The following RPH3A variants were observed in gnomAD, a reference collection of about 807,000 sequenced individuals.
The protein encoded by RPH3A is rabphilin-3A.
Under a neutral mutation model 102.2 loss-of-function variants are expected in RPH3A, and 48 were observed. That is an observed-to-expected ratio of 0.47 (90% CI 0.37 to 0.60). The LOEUF (loss-of-function observed/expected upper bound fraction) is 0.60, where lower values mean the gene tolerates loss of function less well. RPH3A is among the 20% of genes least tolerant of loss of function. RPH3A has a pLI of 0.00. For missense variants in RPH3A, 781 were observed against 910.1 expected (o/e 0.86, Z 1.83); for synonymous variants, 310 against 324.3 (o/e 0.96, Z 0.47).
At chr12:112,728,012 A>G (rs2040607439) in intron 1 of RPH3A, among the ~76,000 whole-genome samples, 1 of 152,230 alleles carries the variant, frequency 6.6e-6, no homozygotes, top group African/African-American at 2.4e-5. Context: ...GAAGAAGAGG[A>G]AAACCAAATT....
chr12:112,867,963 A>G (rs919938598), intron 7 of RPH3A, among the ~76,000 whole-genome samples: 2 of 152,166 alleles, frequency 1.3e-5, no homozygotes, highest in Non-Finnish European at 1.5e-5. Flanking sequence ...GGGCAATGGA[A>G]GATGTTTCAC....
At chr12:112,593,951 C>T (rs1378750825) in intron 1 of RPH3A, among the ~76,000 whole-genome samples, 1 of 152,148 alleles carries the variant, frequency 6.6e-6, no homozygotes, top group East Asian at 1.9e-4. Flanking sequence ...CACTTACTTC[C>T]CTTCAGATTT....
At chr12:112,721,515 A>G (rs1231047025) in intron 1 of RPH3A, among the ~76,000 whole-genome samples, 1 of 152,240 alleles carries the variant, frequency 6.6e-6, no homozygotes, top group Non-Finnish European at 1.5e-5. Context: ...AGAAAACATT[A>G]ATGTACTTGT....
intron 1 of RPH3A, among the ~76,000 whole-genome samples, chr12:112,577,468 G>T (rs1168776555): frequency 2.0e-5 from 3 of 152,304 alleles, no homozygotes; most frequent in African/African-American, 7.2e-5. Context: ...ATGATCAGAG[G>T]TCACTTTGGT....
At chr12:112,825,736 C>T (rs567133528) in intron 2 of RPH3A, among the ~76,000 whole-genome samples, 18 of 152,174 alleles carry the variant, frequency 1.2e-4, no homozygotes, top group Non-Finnish European at 2.2e-4. Flanking sequence ...GAAAAAGTTC[C>T]GCACGGCTTA....
chr12:112,817,998 T>C (rs2041707210), intron 2 of RPH3A, among the ~76,000 whole-genome samples: 1 of 152,192 alleles, frequency 6.6e-6, no homozygotes, highest in Admixed American at 6.5e-5. Context: ...AAATTGGACT[T>C]GAATTTGACT....
chr12:112,680,904 CTCT>C (rs1400437456), intron 1 of RPH3A, among the ~76,000 whole-genome samples: 1 of 151,912 alleles, frequency 6.6e-6, no homozygotes, highest in Non-Finnish European at 1.5e-5. Flanking sequence ...TCTTCCCTTC[CTCT>C]TCTTCTCCTC....
intron 1 of RPH3A, among the ~76,000 whole-genome samples, chr12:112,764,725 A>G (rs1052352860): frequency 6.6e-6 from 1 of 151,992 alleles, no homozygotes. Flanking sequence ...ATATCTCGAC[A>G]GTTTCAGCTT....
chr12:112,849,115 G>T (rs903014172), intron 5 of RPH3A, among the ~76,000 whole-genome samples: 6 of 152,198 alleles, frequency 3.9e-5, no homozygotes, highest in Admixed American at 2.0e-4. Flanking sequence ...TCAGCTGGGG[G>T]TTAACGAGGT....
At chr12:112,680,009 C>A (rs2040215341) in intron 1 of RPH3A, among the ~76,000 whole-genome samples, 1 of 152,166 alleles carries the variant, frequency 6.6e-6, no homozygotes, top group Admixed American at 6.5e-5. Flanking sequence ...AATGGGTAAC[C>A]AGGCTTGGGA....
At chr12:112,885,294 ATAG>A (rs752718083) in intron 16 of RPH3A, among the ~76,000 whole-genome samples, 3 of 152,228 alleles carry the variant, frequency 2.0e-5, no homozygotes, top group Non-Finnish European at 4.4e-5. Flanking sequence ...CCAGTTTTCC[ATAG>A]TGGCTGTGCC....
At chr12:112,844,502 T>C (rs1479858959) in intron 4 of RPH3A, among the ~76,000 whole-genome samples, 2 of 152,196 alleles carry the variant, frequency 1.3e-5, no homozygotes, top group Non-Finnish European at 2.9e-5. Context: ...GATGAGAACA[T>C]GGCCCAGCCC....
rs777967398 is a variant in RPH3A, at chr12:112,883,365, G to A, written c.1399G>A (p.Gly467Ser). 3 of 1,614,086 alleles carry A rather than the reference G, an allele frequency of 1.9e-6. No homozygotes were observed. Among genetic ancestry groups the A allele is most frequent in the East Asian group, 2.2e-5 (1 of 44,882 alleles). ...CTGGAATGAGACCCTCGTGTATCAC[G>A]GCATCACCGATGAGGACATGCAAAG... ...PIWNETLVYHGITDEDMQRKT... is the reference protein window; with the variant it reads ...PIWNETLVYHSITDEDMQRKT... Residue 467 changes from glycine to serine, a missense_variant, in exon 16 of 22, where the codon GGC becomes AGC. Coordinates refer to ENST00000389385, the MANE Select transcript of RPH3A (RefSeq NM_001143854.2).
intron 1 of RPH3A, among the ~76,000 whole-genome samples, chr12:112,645,722 A>G (rs934262381): frequency 1.3e-5 from 2 of 152,132 alleles, no homozygotes; most frequent in African/African-American, 4.8e-5. Flanking sequence ...TCTTCACAGA[A>G]TTGTTCAAAG....
intron 2 of RPH3A, among the ~76,000 whole-genome samples, chr12:112,795,219 C>A (rs564695511): frequency 1.1e-3 from 164 of 152,312 alleles, no homozygotes; most frequent in Non-Finnish European, 2.0e-3. Context: ...ACCACCATGA[C>A]ACATGGACCT....
At chr12:112,786,536 A>G (rs549599274) in intron 1 of RPH3A, among the ~76,000 whole-genome samples, 43 of 152,222 alleles carry the variant, frequency 2.8e-4, no homozygotes, top group South Asian at 2.1e-4. Flanking sequence ...GGAGGCTCTT[A>G]AAGGAGAAGG....
At chr12:112,781,091 A>T (rs2041003975) in intron 1 of RPH3A, among the ~76,000 whole-genome samples, 1 of 152,084 alleles carries the variant, frequency 6.6e-6, no homozygotes, top group Non-Finnish European at 1.5e-5. Flanking sequence ...ACCCAGGAGA[A>T]GGAGGTTGTA....
chr12:112,648,744 C>CAA (rs1197742131), intron 1 of RPH3A, among the ~76,000 whole-genome samples: 1,377 of 58,618 alleles, frequency 0.023, 24 homozygotes, highest in African/African-American at 0.075. Flanking sequence ...GACACGGTCT[C>CAA]AAAAAAAAAA....
chr12:112,789,786 C>A (rs188622211), upstream of RPH3A, among the ~76,000 whole-genome samples: 1 of 147,232 alleles, frequency 6.8e-6, no homozygotes, highest in Non-Finnish European at 1.5e-5. Flanking sequence ...ATCATGATGA[C>A]AATTACTACC....
Sources: gnomAD v4.1 joint callset for allele counts (sites outside exome capture counted in the v4.1 genomes callset) on GRCh38, gnomAD v4.1.1 for gene constraint, MANE v1.5 for transcripts, NCBI Gene and HGNC (gene_info 2026-07-23, HGNC 2026-07-21) for gene names.